SASH1: variants seen among roughly 807,000 people sequenced by gnomAD.
SASH1 encodes SAM and SH3 domain-containing protein 1.
A neutral mutation model predicts 125.2 loss-of-function variants in SASH1; 44 were observed. The observed-to-expected ratio is 0.35, with a 90% confidence interval of 0.28 to 0.45. The LOEUF (loss-of-function observed/expected upper bound fraction) is 0.45, where lower values mean the gene tolerates loss of function less well. SASH1 is among the 20% of genes least tolerant of loss of function. The pLI, the probability that SASH1 is intolerant of heterozygous loss-of-function variation, is 1.00. For missense variants in SASH1, 1,426 were observed against 1,614.5 expected (o/e 0.88, Z 2.00); for synonymous variants, 639 against 649.1 (o/e 0.98, Z 0.24).
chr6:148,529,896 T>C lies in SASH1; in HGVS notation c.1429-1630T>C, dbSNP rs913354896. ...GCCTCGGCTTACTGCAACCTCTGCC[T>C]CCTGGGTTCAAGCGATTCTCCCACC... On this transcript the variant is annotated intron_variant, in intron 12 of 19. Transcript: ENST00000367467. The surrounding 1 kb of genome is among the most constrained non-coding windows in gnomAD (Gnocchi z 4.2). Among the ~76,000 whole-genome samples the C allele has an allele frequency of 3.3e-5, 5 of 152,022 alleles. No individual in the cohort carries two copies. Among genetic ancestry groups the C allele is most frequent in the African/African-American group, 1.2e-4 (5 of 41,380 alleles).
At chr6:148,458,761 A>G (rs1273132388) in intron 4 of SASH1, among the ~76,000 whole-genome samples, 1 of 152,106 alleles carries the variant, frequency 6.6e-6, no homozygotes, top group East Asian at 1.9e-4. Flanking sequence ...AGGCCAGGAC[A>G]AGACCAGCCT....
intron 1 of SASH1, among the ~76,000 whole-genome samples, chr6:148,312,782 A>T (rs1780366806): frequency 6.6e-6 from 1 of 152,176 alleles, no homozygotes; most frequent in South Asian, 2.1e-4. Flanking sequence ...TCATTATATA[A>T]GTTAATTCCA....
intron 4 of SASH1, among the ~76,000 whole-genome samples, chr6:148,462,186 C>G (rs1777643511): frequency 6.6e-6 from 1 of 152,122 alleles, no homozygotes. Flanking sequence ...TCCTGAGACT[C>G]AAGATTAAGG....
At chr6:148,295,254 C>T (rs933735198) in intron 1 of SASH1, among the ~76,000 whole-genome samples, 1 of 152,078 alleles carries the variant, frequency 6.6e-6, no homozygotes, top group Non-Finnish European at 1.5e-5. Flanking sequence ...CTTGATGCTG[C>T]AGTTGGGTGG....
intron 10 of SASH1, among the ~76,000 whole-genome samples, chr6:148,524,119 A>ATTT (rs1404681101): frequency 1.5e-4 from 19 of 125,158 alleles, no homozygotes; most frequent in African/African-American, 5.0e-4. Flanking sequence ...ATATATATAT[A>ATTT]TATTTTTTTT....
At chr6:148,481,304 A>G (rs959001723) in intron 7 of SASH1, among the ~76,000 whole-genome samples, 1 of 152,152 alleles carries the variant, frequency 6.6e-6, no homozygotes, top group Non-Finnish European at 1.5e-5. Context: ...TCTTCTACGC[A>G]GACCATTCAA....
rs1433382876 is a variant in SASH1, at chr6:148,532,597, C to G, written c.1565-200C>G. On this transcript the variant is annotated intron_variant, in intron 13 of 19. Coordinates refer to ENST00000367467, the MANE Select transcript of SASH1 (RefSeq NM_015278.5). This position sits in a 1 kb window ranked among gnomAD's most constrained non-coding sequence, Gnocchi z 4.7. ...GTCATGAGGGTAACTTGCTGTGAGTCCCCTGTCCACTGAGGAGCTGAGGGA... is the reference window on the plus strand; with the variant it reads ...GTCATGAGGGTAACTTGCTGTGAGTGCCCTGTCCACTGAGGAGCTGAGGGA... Among the ~76,000 whole-genome samples, 1 of 152,166 alleles carries G rather than the reference C, an allele frequency of 6.6e-6. No homozygotes were observed. Among genetic ancestry groups the G allele is most frequent in the Non-Finnish European group, 1.5e-5 (1 of 68,028 alleles).
At chr6:148,326,034 CT>C (rs67220775) in intron 1 of SASH1, among the ~76,000 whole-genome samples, 11,819 of 142,046 alleles carry the variant, frequency 0.083, 661 homozygotes, top group East Asian at 0.31. Context: ...TGCTCTTGAA[CT>C]TTTTTTTTTT....
the SASH1 span, among the ~76,000 whole-genome samples, chr6:148,216,065 G>T: frequency 1.3e-5 from 2 of 151,990 alleles, no homozygotes; most frequent in African/African-American, 4.8e-5. Context: ...CACCATGTTG[G>T]CCAGGCTGGT....
chr6:148,533,947 T>C lies in SASH1; in HGVS notation c.1911T>C (p.Ser637=), dbSNP rs151028643. 1.3e-4 allele frequency: 202 copies of C among 1,613,970 alleles called. No individual in the cohort carries two copies. In the African/African-American group the frequency reaches 2.2e-3, roughly 17 times the overall value. The part of the protein sequence containing the change: ...RRKGRPPQPK[S]VEDLLDRINL... ...AAGGACGACCACCCCAGCCCAAGTC[T>C]GTGGAGGATCTCCTGGATCGGATTA... The change falls in exon 15 of 20, where the codon TCT becomes TCC. Residue 637 remains serine, a synonymous_variant. Transcript: ENST00000367467. This position sits in a 1 kb window ranked among gnomAD's most constrained non-coding sequence, Gnocchi z 6.2.
chr6:148,548,700 TG>T lies in SASH1; in HGVS notation c.*144del. On this transcript the variant is annotated 3_prime_UTR_variant, in exon 20 of 20. Transcript: ENST00000367467. ...CGTGTGGCCAAACAGCGTGAAACCT[TG>T]GCACAGGACTGAGGATCCTCTCCTC... is the stretch of plus-strand genomic sequence containing the variant. The T allele has an allele frequency of 3.1e-6, 3 of 979,512 alleles. No homozygotes were observed. The highest frequency in any genetic ancestry group is 4.4e-6 in the Non-Finnish European group (3 of 679,934). The allele number at this position is 979,512 out of a possible 1,614,324, so 60.7% of individuals were successfully genotyped here.
intron 1 of SASH1, among the ~76,000 whole-genome samples, chr6:148,326,386 T>TACACA (rs1780826472): frequency 6.3e-5 from 4 of 63,196 alleles, no homozygotes; most frequent in Non-Finnish European, 1.2e-4. Context: ...ATTCTTTTCT[T>TACACA]TTCTTTTCTT....
In SASH1 at chr6:148,474,181, G is replaced by A; in HGVS notation, c.586G>A (p.Val196Ile). 1 of 1,610,232 alleles carries A rather than the reference G, an allele frequency of 6.2e-7. No homozygotes were observed. The highest frequency in any genetic ancestry group is 8.5e-7 in the Non-Finnish European group (1 of 1,178,204). ...DEERIQLMMM[V>I]KEKMITIEEA... ...GGAGCGGATTCAGCTAATGATGATG[G>A]TCAAAGAAAAGATGATCACAATTGA... The change falls in exon 7 of 20, where the codon GTC becomes ATC. Residue 196 changes from valine to isoleucine, a missense_variant. Coordinates refer to ENST00000367467, the MANE Select transcript of SASH1 (RefSeq NM_015278.5).
chr6:148,215,623 C>T, the SASH1 span, among the ~76,000 whole-genome samples: 1 of 152,046 alleles, frequency 6.6e-6, no homozygotes, highest in Admixed American at 6.6e-5. Flanking sequence ...AAATGGGATT[C>T]TCAGTAATAA....
chr6:148,379,776 A>G (rs930706248), intron 1 of SASH1: 2 of 380,174 alleles, frequency 5.3e-6, no homozygotes. Context: ...ACAAACACGT[A>G]AACAAATAAG....
chr6:148,387,630 T>TCTCTCTCTCTCTCTC (rs1562371321), intron 1 of SASH1, among the ~76,000 whole-genome samples: 1 of 47,626 alleles, frequency 2.1e-5, no homozygotes, highest in Non-Finnish European at 4.6e-5. Flanking sequence ...CTTTCTTTCT[T>TCTCTCTCTCTCTCTC]TCTTTCTTTC....
intron 1 of SASH1, 39 bp downstream of exon 1, chr6:148,343,262 T>C: frequency 6.5e-7 from 1 of 1,548,370 alleles, no homozygotes; most frequent in Non-Finnish European, 8.7e-7. Flanking sequence ...GGAAGTACAG[T>C]TCGCAGCAGC....
intron 1 of SASH1, among the ~76,000 whole-genome samples, chr6:148,334,569 TG>T (rs996875978): frequency 1.1e-4 from 16 of 151,884 alleles, no homozygotes; most frequent in African/African-American, 3.9e-4. Flanking sequence ...CGCAGCACTT[TG>T]GGAGGCCGAG....
intron 1 of SASH1, among the ~76,000 whole-genome samples, chr6:148,378,692 C>T (rs1263153762): frequency 6.6e-6 from 1 of 152,170 alleles, no homozygotes. Flanking sequence ...TTCTGTGAAG[C>T]TTTTCTCTTC....
Sources: gnomAD v4.1 joint callset for allele counts (sites outside exome capture counted in the v4.1 genomes callset) on GRCh38, gnomAD v4.1.1 for gene constraint, Gnocchi (gnomAD v3.1) non-coding constraint, MANE v1.5 for transcripts, NCBI Gene and HGNC (gene_info 2026-07-23, HGNC 2026-07-21) for gene names.